The following KCNK3 variants were observed in gnomAD, a reference collection of about 807,000 sequenced individuals.
KCNK3 encodes the protein potassium channel subfamily K member 3.
A neutral mutation model predicts 27.3 loss-of-function variants in KCNK3; 9 were observed. That is an observed-to-expected ratio of 0.33 (90% CI 0.20 to 0.57). The LOEUF is 0.57. KCNK3 is among the 20% of genes least tolerant of loss of function. The pLI, the probability that KCNK3 is intolerant of heterozygous loss-of-function variation, is 0.87. For synonymous variants in KCNK3, 278 were observed against 273.8 expected (o/e 1.02, Z -0.15); for missense variants, 391 against 577.7 (o/e 0.68, Z 3.31).
rs1197744540 is a variant in KCNK3 at position 26,732,497 on chromosome 2, G to C, written c.*3929G>C. 6.6e-6 allele frequency: 1 copy of C among 152,254 alleles called. No individual in the cohort carries two copies. The highest frequency in any genetic ancestry group is 1.9e-4 in the East Asian group (1 of 5,192). 9.4% of individuals were successfully genotyped at this position (152,254 alleles called of 1,614,324 possible). ...GCATAGGTCAACTGAAAGATACAGA[G>C]AGGGAAGCTTTGATGGGGGGTTCAG... is the stretch of plus-strand genomic sequence containing the variant. On this transcript the variant is annotated 3_prime_UTR_variant, in exon 2 of 2. Coordinates refer to ENST00000302909, the MANE Select transcript of KCNK3 (RefSeq NM_002246.3).
chr2:26,729,263 T>A lies in KCNK3; in HGVS notation c.*695T>A, dbSNP rs1458033395. The A allele has an allele frequency of 6.6e-6, 1 of 152,314 alleles. No individual in the cohort carries two copies. The highest frequency in any genetic ancestry group is 1.5e-5 in the Non-Finnish European group (1 of 68,060). The allele number at this position is 152,314 out of a possible 1,614,324, so 9.4% of individuals were successfully genotyped here. A position where few individuals can be genotyped will look rare whatever the true frequency, so the allele number is the denominator to read the frequency against. On this transcript the variant is annotated 3_prime_UTR_variant, in exon 2 of 2. Transcript: ENST00000302909. ...GGTCGCACTGGAGGTTCAAGCTAAC[T>A]GGCCTCCAGCCACATTCTCATAGCA...
Position 26,693,807 on chromosome 2 carries a change from A to G in KCNK3, c.283+649A>G, listed in dbSNP as rs1438097814. 6.6e-6 allele frequency among the ~76,000 whole-genome samples: 1 copy of G among 152,188 alleles called. No homozygotes were observed. The highest frequency in any genetic ancestry group is 1.5e-5 in the Non-Finnish European group (1 of 68,032). Reference sequence around the variant, plus strand: ...TTCTTCTCTGCTGTCCCAGCAAAACAGTCACCTCACAGGAATAACCCCAGT... The same window carrying G: ...TTCTTCTCTGCTGTCCCAGCAAAACGGTCACCTCACAGGAATAACCCCAGT... On this transcript the variant is annotated intron_variant, in intron 1 of 1. Transcript: ENST00000302909. The surrounding 1 kb of genome is among the most constrained non-coding windows in gnomAD (Gnocchi z 5.5).
chr2:26,732,816 T>C lies in KCNK3; in HGVS notation c.*4248T>C, dbSNP rs896394906. The C allele has an allele frequency of 6.6e-6, 1 of 152,284 alleles. No homozygotes were observed. The highest frequency in any genetic ancestry group is 2.4e-5 in the African/African-American group (1 of 41,468). The allele number at this position is 152,284 out of a possible 1,614,324, so 9.4% of individuals were successfully genotyped here. On this transcript the variant is annotated 3_prime_UTR_variant, in exon 2 of 2. Transcript: ENST00000302909. Reference sequence around the variant, plus strand: ...AGGTGACTCTTATTTTCTTAAGCAGTGCTTGCAGGACATAAATGTGATGAC... The same window carrying C: ...AGGTGACTCTTATTTTCTTAAGCAGCGCTTGCAGGACATAAATGTGATGAC...
chr2:26,694,859 G>A (rs139570520), intron 1 of KCNK3, among the ~76,000 whole-genome samples: 11 of 152,132 alleles, frequency 7.2e-5, no homozygotes, highest in East Asian at 5.8e-4. Context: ...GCCTTCACGC[G>A]TGTCCCCTTT....
At chr2:26,700,530 G>A (rs1670293757) in intron 1 of KCNK3, among the ~76,000 whole-genome samples, 1 of 152,166 alleles carries the variant, frequency 6.6e-6, no homozygotes, top group Non-Finnish European at 1.5e-5. Flanking sequence ...GGCTGGGCCT[G>A]ACATCCCATC....
chr2:26,694,100 A>G (rs558213116), intron 1 of KCNK3, among the ~76,000 whole-genome samples: 18 of 152,262 alleles, frequency 1.2e-4, no homozygotes, highest in African/African-American at 3.6e-4. Flanking sequence ...CCTGTCCCCA[A>G]CACCCTATGA....
chr2:26,707,375 G>C (rs1163792535), intron 1 of KCNK3, among the ~76,000 whole-genome samples: 2 of 152,210 alleles, frequency 1.3e-5, no homozygotes, highest in African/African-American at 2.4e-5. Context: ...ACACAGTTTT[G>C]TTGCACCCCA....
chr2:26,707,951 C>T (rs1670395615), intron 1 of KCNK3, among the ~76,000 whole-genome samples: 1 of 152,218 alleles, frequency 6.6e-6, no homozygotes, highest in Non-Finnish European at 1.5e-5. Context: ...CATTCCTCCA[C>T]CCACTCGGCC....
At chr2:26,702,348 A>G (rs976755126) in intron 1 of KCNK3, among the ~76,000 whole-genome samples, 1 of 152,230 alleles carries the variant, frequency 6.6e-6, no homozygotes, top group Non-Finnish European at 1.5e-5. Context: ...AAACTTTAAA[A>G]GGGGCATCAA....
intron 1 of KCNK3, among the ~76,000 whole-genome samples, chr2:26,726,051 T>C (rs908815120): frequency 2.0e-5 from 3 of 151,622 alleles, no homozygotes; most frequent in Non-Finnish European, 2.9e-5. Flanking sequence ...ATTTTATAGA[T>C]GTGGAAACTA....
intron 1 of KCNK3, among the ~76,000 whole-genome samples, chr2:26,720,450 G>C (rs1663307942): frequency 6.6e-6 from 1 of 152,206 alleles, no homozygotes; most frequent in South Asian, 2.1e-4. Context: ...CTCTAGGCCA[G>C]GCTGTGTCTG....
chr2:26,704,259 A>C (rs1317939871), intron 1 of KCNK3, among the ~76,000 whole-genome samples: 1 of 152,102 alleles, frequency 6.6e-6, no homozygotes, highest in East Asian at 1.9e-4. Context: ...GGCTTGCAGG[A>C]GCACCGGGAC....
intron 1 of KCNK3, among the ~76,000 whole-genome samples, chr2:26,706,667 C>T (rs940271640): frequency 6.6e-6 from 1 of 152,152 alleles, no homozygotes; most frequent in Non-Finnish European, 1.5e-5. Context: ...TCTTGCATGC[C>T]GTGCCCAGCT....
chr2:26,711,340 C>T (rs774294341), intron 1 of KCNK3, among the ~76,000 whole-genome samples: 6 of 152,292 alleles, frequency 3.9e-5, no homozygotes, highest in Admixed American at 1.3e-4. Flanking sequence ...CAAGGAACAG[C>T]GTGATTAACT....
At chr2:26,719,938 T>G (rs1663297754) in intron 1 of KCNK3, among the ~76,000 whole-genome samples, 1 of 152,188 alleles carries the variant, frequency 6.6e-6, no homozygotes, top group Non-Finnish European at 1.5e-5. Flanking sequence ...TAGTCCCTGC[T>G]CCTCTCTCAG....
intron 1 of KCNK3, among the ~76,000 whole-genome samples, chr2:26,702,134 C>T (rs942357855): frequency 6.6e-5 from 10 of 152,160 alleles, no homozygotes; most frequent in African/African-American, 2.2e-4. Flanking sequence ...GAGTAGGCCC[C>T]AGTGTGTGTG....
chr2:26,731,586 C>A lies in KCNK3; in HGVS notation c.*3018C>A, dbSNP rs1377251566. On this transcript the variant is annotated 3_prime_UTR_variant, in exon 2 of 2. Transcript: ENST00000302909. ...GAGTGAGACCCTGTCTAAAAAAAAA[C>A]AATAATAATAAAATAAAATAACATA... is the stretch of plus-strand genomic sequence containing the variant. 6.6e-6 allele frequency: 1 copy of A among 151,922 alleles called. No individual in the cohort carries two copies. 9.4% of individuals were successfully genotyped at this position (151,922 alleles called of 1,614,324 possible). A position where few individuals can be genotyped will look rare whatever the true frequency, so the allele number is the denominator to read the frequency against.
intron 1 of KCNK3, among the ~76,000 whole-genome samples, chr2:26,717,984 T>C (rs1553386376): frequency 6.6e-6 from 1 of 152,122 alleles, no homozygotes; most frequent in Non-Finnish European, 1.5e-5. Context: ...CTCATGGGGC[T>C]TACAGTTTCA....
chr2:26,702,189 A>G (rs1006054018), intron 1 of KCNK3, among the ~76,000 whole-genome samples: 2 of 152,186 alleles, frequency 1.3e-5, no homozygotes, highest in African/African-American at 2.4e-5. Context: ...ACAGATAGCC[A>G]TCTTCTCACT....
Sources: allele counts gnomAD v4.1 joint callset (sites outside exome capture counted in the v4.1 genomes callset), GRCh38; gene constraint gnomAD v4.1.1; non-coding constraint Gnocchi (gnomAD v3.1); transcripts MANE v1.5; gene names NCBI Gene and HGNC (gene_info 2026-07-23, HGNC 2026-07-21).